Variants in GPR62 observed in about 807,000 individuals in gnomAD.
GPR62 encodes the protein G protein-coupled receptor 62.
For synonymous variants in GPR62, 280 were observed against 286.9 expected (o/e 0.98, Z 0.24); for missense variants, 513 against 541.5 (o/e 0.95, Z 0.52).
At position 51,956,121 on chromosome 3, in the gene GPR62, C is replaced by A. The variant is rs1271196580; in HGVS notation, c.469C>A (p.Pro157Thr). Reference sequence around the variant, plus strand: ...GCTCGGCACGCCGCCCGCACCGCCCCCTGCTCCTGCTCGCTGCTCGGTCCT... The same window carrying A: ...GCTCGGCACGCCGCCCGCACCGCCCACTGCTCCTGCTCGCTGCTCGGTCCT... ...SLLGTPPAPP[P>T]APARCSVLAG... The change falls in exon 1 of 1, where the codon CCT becomes ACT. Residue 157 changes from proline to threonine, a missense_variant. Pro to Thr is a conservative substitution (Grantham distance 38). Coordinates refer to ENST00000322241, the MANE Select transcript of GPR62 (RefSeq NM_080865.4). 4 of 1,456,330 alleles carry A rather than the reference C, an allele frequency of 2.7e-6. No individual in the cohort carries two copies. The highest frequency in any genetic ancestry group is 3.6e-6 in the Non-Finnish European group (4 of 1,111,138). The allele number at this position is 1,456,330 out of a possible 1,614,324, so 90.2% of individuals were successfully genotyped here.
chr3:51,957,009 C>A lies in GPR62; in HGVS notation c.*250C>A. 3.8e-6 allele frequency: 2 copies of A among 531,906 alleles called. No individual in the cohort carries two copies. Among genetic ancestry groups the A allele is most frequent in the Non-Finnish European group, 6.2e-6 (2 of 323,122 alleles). The allele number at this position is 531,906 out of a possible 1,614,324, so 32.9% of individuals were successfully genotyped here. ...CACCCTGCAGCATCTCTAAGGGCCC[C>A]TCCAGCATAGGTGGTTTGTGAAACT... On this transcript the variant is annotated 3_prime_UTR_variant, in exon 1 of 1. Coordinates refer to ENST00000322241, the MANE Select transcript of GPR62 (RefSeq NM_080865.4).
rs1160330903 is a variant in GPR62, at chr3:51,955,859, C to T, written c.207C>T (p.Gly69=). The change falls in exon 1 of 1, where the codon GGC becomes GGT. Residue 69 remains glycine (G), a synonymous_variant. Transcript: ENST00000322241. ...LLAAASIMPL[G]LLAAPPPGLG... ...CGGCCGCCTCCATCATGCCGCTGGGCCTGCTGGCCGCACCGCCGCCCGGGC... is the reference window on the plus strand; with the variant it reads ...CGGCCGCCTCCATCATGCCGCTGGGTCTGCTGGCCGCACCGCCGCCCGGGC... The T allele has an allele frequency of 2.1e-6, 3 of 1,450,212 alleles. No individual in the cohort carries two copies. Among genetic ancestry groups the T allele is most frequent in the Non-Finnish European group, 2.7e-6 (3 of 1,109,798 alleles). 89.8% of individuals were successfully genotyped at this position (1,450,212 alleles called of 1,614,324 possible). A position where few individuals can be genotyped will look rare whatever the true frequency, so the allele number is the denominator to read the frequency against.
In GPR62 at chr3:51,955,960, C is replaced by T. The variant is rs770159406; in HGVS notation, c.308C>T (p.Thr103Met). The T allele has an allele frequency of 2.8e-6, 4 of 1,423,888 alleles. No homozygotes were observed. In the South Asian group the frequency reaches 4.0e-5, roughly 14 times the overall value. The allele number at this position is 1,423,888 out of a possible 1,614,324, so 88.2% of individuals were successfully genotyped here. Residue 103 changes from threonine (T) to methionine (M), a missense_variant, in exon 1 of 1, where the codon ACG becomes ATG. Transcript: ENST00000322241. The part of the protein sequence containing the change: ...FLSAALLPAC[T>M]LGVAALGLAR... ...TCCGCCGCTCTGCTGCCGGCCTGCA[C>T]GCTCGGGGTGGCCGCACTTGGCCTG...
rs536522555 is a variant in GPR62, at chr3:51,955,447, T to A, written c.-206T>A. The stretch of plus-strand genomic sequence containing the variant: ...GGGGCAGGGGAGAAAGACAGCAGAC[T>A]CATCCTTGCACCCCTCCATGGGCCT... On this transcript the variant is annotated 5_prime_UTR_variant, in exon 1 of 1. Coordinates refer to ENST00000322241, the MANE Select transcript of GPR62 (RefSeq NM_080865.4). The A allele has an allele frequency of 2.1e-6, 1 of 477,946 alleles. No individual in the cohort carries two copies. Among genetic ancestry groups the A allele is most frequent in the African/African-American group, 2.0e-5 (1 of 49,056 alleles). The allele number at this position is 477,946 out of a possible 1,614,324, so 29.6% of individuals were successfully genotyped here.
Position 51,956,341 on chromosome 3 carries a change from T to C in GPR62, c.689T>C (p.Leu230Pro). ...LDSRLSILPP[L>P]RPRLPGGKAA... is the part of the protein sequence containing the mutation. ...AGCCGCCTTTCCATCTTGCCGCCGC[T>C]CCGGCCTCGCCTGCCCGGGGGCAAG... The change falls in exon 1 of 1, where the codon CTC (leucine) becomes CCC (proline). Residue 230 changes from leucine to proline, a missense_variant. Transcript: ENST00000322241. 6.4e-7 allele frequency: 1 copy of C among 1,553,582 alleles called. No individual in the cohort carries two copies.
chr3:51,957,001 A>G lies in GPR62; in HGVS notation c.*242A>G, dbSNP rs1181501368. The G allele has an allele frequency of 5.4e-6, 3 of 559,228 alleles. No individual in the cohort carries two copies. The highest frequency in any genetic ancestry group is 2.0e-5 in the African/African-American group (1 of 50,798). The allele number at this position is 559,228 out of a possible 1,614,324, so 34.6% of individuals were successfully genotyped here. A position where few individuals can be genotyped will look rare whatever the true frequency, so the allele number is the denominator to read the frequency against. ...CCCATCTGCACCCTGCAGCATCTCTAAGGGCCCCTCCAGCATAGGTGGTTT... is the reference window on the plus strand; with the variant it reads ...CCCATCTGCACCCTGCAGCATCTCTGAGGGCCCCTCCAGCATAGGTGGTTT... On this transcript the variant is annotated 3_prime_UTR_variant, in exon 1 of 1. Transcript: ENST00000322241.
At position 51,956,703 on chromosome 3, in the gene GPR62, T is replaced by G. The variant is rs1360446058; in HGVS notation, c.1051T>G (p.Leu351Val). 1 of 1,612,440 alleles carries G rather than the reference T, an allele frequency of 6.2e-7. No individual in the cohort carries two copies. The highest frequency in any genetic ancestry group is 1.1e-5 in the South Asian group (1 of 91,020). ...PSEAPEQTPE[L>V]AGGRSPAYQG... ...TGAGGCTCCAGAACAGACCCCCGAG[T>G]TGGCAGGAGGGCGGAGCCCCGCATA... The change falls in exon 1 of 1, where the codon TTG (leucine) becomes GTG (valine). Residue 351 changes from leucine to valine, a missense_variant. Physicochemically the swap from Leu to Val is conservative, Grantham distance 32 (BLOSUM62 1). Transcript: ENST00000322241.
In GPR62 at chr3:51,956,728, A is replaced by G; in HGVS notation, c.1076A>G (p.Tyr359Cys). 3 of 1,609,542 alleles carry G rather than the reference A, an allele frequency of 1.9e-6. No homozygotes were observed. Among genetic ancestry groups the G allele is most frequent in the Non-Finnish European group, 2.5e-6 (3 of 1,178,540 alleles). Residue 359 changes from tyrosine (Y) to cysteine (C), a missense_variant, in exon 1 of 1, where the codon TAC (tyrosine) becomes TGC (cysteine). Physicochemically the swap from Tyr to Cys is radical, Grantham distance 194. Coordinates refer to ENST00000322241, the MANE Select transcript of GPR62 (RefSeq NM_080865.4). Reference sequence around the variant, plus strand: ...TTGGCAGGAGGGCGGAGCCCCGCATACCAGGGGCCACCTGAGAGTTCTCTC... The same window carrying G: ...TTGGCAGGAGGGCGGAGCCCCGCATGCCAGGGGCCACCTGAGAGTTCTCTC... ...PELAGGRSPAYQGPPESSLS is the reference protein window; with the variant it reads ...PELAGGRSPACQGPPESSLS
rs746167124 is a variant in GPR62, at chr3:51,955,938, G to C, written c.286G>C (p.Ala96Pro). The C allele has an allele frequency of 1.4e-6, 2 of 1,395,276 alleles. No homozygotes were observed. Among genetic ancestry groups the C allele is most frequent in the East Asian group, 3.3e-5 (1 of 30,382 alleles). 86.4% of individuals were successfully genotyped at this position (1,395,276 alleles called of 1,614,324 possible). Reference protein sequence around the residue: ...APCRAARFLSAALLPACTLGV... With the variant: ...APCRAARFLSPALLPACTLGV... ...ATGCCGCGCCGCTCGCTTCCTCTCCGCCGCTCTGCTGCCGGCCTGCACGCT... is the reference window on the plus strand; with the variant it reads ...ATGCCGCGCCGCTCGCTTCCTCTCCCCCGCTCTGCTGCCGGCCTGCACGCT... The change falls in exon 1 of 1, where the codon GCC (alanine) becomes CCC (proline). Residue 96 changes from alanine to proline, a missense_variant. By Grantham distance (27) the Ala-to-Pro change is conservative. Coordinates refer to ENST00000322241, the MANE Select transcript of GPR62 (RefSeq NM_080865.4).
At position 51,956,360 on chromosome 3, in the gene GPR62, G is replaced by T; in HGVS notation, c.708G>T (p.Gly236=). The part of the protein sequence containing the change: ...ILPPLRPRLP[G]GKAALAPALA... ...CGCCGCTCCGGCCTCGCCTGCCCGGGGGCAAGGCGGCCCTGGCCCCAGCGC... is the reference window on the plus strand; with the variant it reads ...CGCCGCTCCGGCCTCGCCTGCCCGGTGGCAAGGCGGCCCTGGCCCCAGCGC... Residue 236 remains glycine (G), a synonymous_variant, in exon 1 of 1, where the codon GGG becomes GGT. Coordinates refer to ENST00000322241, the MANE Select transcript of GPR62 (RefSeq NM_080865.4). 2 of 1,542,626 alleles carry T rather than the reference G, an allele frequency of 1.3e-6. No individual in the cohort carries two copies. Among genetic ancestry groups the T allele is most frequent in the Non-Finnish European group, 1.7e-6 (2 of 1,153,564 alleles).
chr3:51,956,249 G>T lies in GPR62; in HGVS notation c.597G>T (p.Ala199=), dbSNP rs745991160. ...LGAYGGIFVV[A]RRAALRPPRP... The stretch of plus-strand genomic sequence containing the variant: ...CCTACGGCGGCATCTTCGTGGTGGC[G>T]CGTCGCGCTGCCCTGAGGCCCCCAC... Residue 199 remains alanine, a synonymous_variant, in exon 1 of 1, where the codon GCG becomes GCT. Coordinates refer to ENST00000322241, the MANE Select transcript of GPR62 (RefSeq NM_080865.4). The T allele has an allele frequency of 6.5e-7, 1 of 1,549,378 alleles. No homozygotes were observed. The highest frequency in any genetic ancestry group is 8.6e-7 in the Non-Finnish European group (1 of 1,159,908).
At position 51,956,188 on chromosome 3, in the gene GPR62, T is replaced by C; in HGVS notation, c.536T>C (p.Leu179Pro). 2.0e-6 allele frequency: 3 copies of C among 1,500,764 alleles called. No individual in the cohort carries two copies. The highest frequency in any genetic ancestry group is 2.6e-6 in the Non-Finnish European group (3 of 1,135,898). The allele number at this position is 1,500,764 out of a possible 1,614,324, so 93.0% of individuals were successfully genotyped here. Residue 179 changes from leucine to proline, a missense_variant, in exon 1 of 1, where the codon CTG (leucine) becomes CCG (proline). Physicochemically the swap from Leu to Pro is moderately conservative, Grantham distance 98. Transcript: ENST00000322241. ...CCCTTCCGGCCGCTCTGGGCCCTGCTGGCCTTCGCGCTGCCCGCCCTCCTG... is the reference window on the plus strand; with the variant it reads ...CCCTTCCGGCCGCTCTGGGCCCTGCCGGCCTTCGCGCTGCCCGCCCTCCTG... ...LGPFRPLWALLAFALPALLLL... is the reference protein window; with the variant it reads ...LGPFRPLWALPAFALPALLLL...
Position 51,955,697 on chromosome 3 carries a change from G to A in GPR62, c.45G>A (p.Ser15=). The change falls in exon 1 of 1, where the codon TCG becomes TCA. Residue 15 remains serine (S), a synonymous_variant. Transcript: ENST00000322241. The part of the protein sequence containing the change: ...TGLNASEVAG[S]LGLILAAVVE... ...TGAACGCCTCAGAAGTCGCAGGCTC[G>A]TTGGGGTTGATCCTGGCAGCTGTCG... The A allele has an allele frequency of 6.2e-7, 1 of 1,609,298 alleles. No individual in the cohort carries two copies. The highest frequency in any genetic ancestry group is 8.5e-7 in the Non-Finnish European group (1 of 1,177,766).
rs570612014 is a variant in GPR62, at chr3:51,957,308, A to G, written c.*549A>G. On this transcript the variant is annotated 3_prime_UTR_variant, in exon 1 of 1. Coordinates refer to ENST00000322241, the MANE Select transcript of GPR62 (RefSeq NM_080865.4). ...TAGGAGGCTGGACGACTTCACCCCC[A>G]AAGGGTCCTGAAGCCCCAGAACTGG... 1 of 167,764 alleles carries G rather than the reference A, an allele frequency of 6.0e-6. No individual in the cohort carries two copies. The highest frequency in any genetic ancestry group is 2.1e-4 in the South Asian group (1 of 4,832). The allele number at this position is 167,764 out of a possible 1,614,324, so 10.4% of individuals were successfully genotyped here. A position where few individuals can be genotyped will look rare whatever the true frequency, so the allele number is the denominator to read the frequency against.
In GPR62 at chr3:51,955,758, C is replaced by T; in HGVS notation, c.106C>T (p.Leu36=). Residue 36 remains leucine, a synonymous_variant, in exon 1 of 1, where the codon CTG becomes TTG. Transcript: ENST00000322241. ...VGALLGNGAL[L]VVVLRTPGLR... ...GGCACTGCTGGGCAACGGCGCGCTG[C>T]TGGTCGTGGTGCTGCGCACGCCGGG... The T allele has an allele frequency of 1.9e-6, 3 of 1,604,080 alleles. No individual in the cohort carries two copies. The highest frequency in any genetic ancestry group is 1.7e-6 in the Non-Finnish European group (2 of 1,175,644).
rs1477169772 is a variant in GPR62 at position 51,956,114 on chromosome 3, A to ACCGCC, written c.465_469dup (p.Pro157ArgfsTer50). 3 of 1,443,272 alleles carry ACCGCC rather than the reference A, an allele frequency of 2.1e-6. No individual in the cohort carries two copies. In the African/African-American group the frequency reaches 4.5e-5, roughly 22 times the overall value. 89.4% of individuals were successfully genotyped at this position (1,443,272 alleles called of 1,614,324 possible). ...TCTCCCTGCTCGGCACGCCGCCCGC[A>ACCGCC]CCGCCCCCTGCTCCTGCTCGCTGCT... On this transcript the variant is annotated frameshift_variant, in exon 1 of 1. Coordinates refer to ENST00000322241, the MANE Select transcript of GPR62 (RefSeq NM_080865.4). LOFTEE classifies it low-confidence loss of function (END_TRUNC).
At position 51,956,221 on chromosome 3, in the gene GPR62, G is replaced by A; in HGVS notation, c.569G>A (p.Gly190Asp). 1 of 1,536,224 alleles carries A rather than the reference G, an allele frequency of 6.5e-7. No individual in the cohort carries two copies. The highest frequency in any genetic ancestry group is 1.2e-5 in the South Asian group (1 of 83,536). Residue 190 changes from glycine (G) to aspartate (D), a missense_variant, in exon 1 of 1, where the codon GGC becomes GAC. By Grantham distance (94) the Gly-to-Asp change is moderately conservative (BLOSUM62 -1). Coordinates refer to ENST00000322241, the MANE Select transcript of GPR62 (RefSeq NM_080865.4). ...GCGCTGCCCGCCCTCCTGCTGCTCG[G>A]CGCCTACGGCGGCATCTTCGTGGTG... Reference protein sequence around the residue: ...AFALPALLLLGAYGGIFVVAR... With the variant: ...AFALPALLLLDAYGGIFVVAR...
In GPR62 at chr3:51,956,581, C is replaced by T; in HGVS notation, c.929C>T (p.Pro310Leu). The T allele has an allele frequency of 6.2e-7, 1 of 1,611,982 alleles. No homozygotes were observed. The highest frequency in any genetic ancestry group is 8.5e-7 in the Non-Finnish European group (1 of 1,179,776). The change falls in exon 1 of 1, where the codon CCT becomes CTT. Residue 310 changes from proline to leucine, a missense_variant. Coordinates refer to ENST00000322241, the MANE Select transcript of GPR62 (RefSeq NM_080865.4). ...GGCCGCCTCTCTCGCCGTGCACTGC[C>T]TGGACCTGTGCGGGCCTGCACTCCG... ...ALGRLSRRAL[P>L]GPVRACTPQA...
Position 51,955,632 on chromosome 3 carries a change from G to C in GPR62, c.-21G>C. 1.3e-6 allele frequency: 2 copies of C among 1,554,488 alleles called. No individual in the cohort carries two copies. The highest frequency in any genetic ancestry group is 2.5e-5 in the East Asian group (1 of 39,850). ...ATTCTGCCATCTACATCCCAGCGCA[G>C]GGTGAAGCCTGAGAGCCCAAATGGC... On this transcript the variant is annotated 5_prime_UTR_variant, in exon 1 of 1. Coordinates refer to ENST00000322241, the MANE Select transcript of GPR62 (RefSeq NM_080865.4).
Sources: gnomAD v4.1 joint callset for allele counts on GRCh38, gnomAD v4.1.1 for gene constraint, MANE v1.5 for transcripts, NCBI Gene and HGNC (gene_info 2026-07-23, HGNC 2026-07-21) for gene names.